AGPAT2: variants seen among roughly 807,000 people sequenced by gnomAD.
AGPAT2 encodes 1-acylglycerol-3-phosphate O-acyltransferase 2.
A neutral mutation model predicts 26.1 loss-of-function variants in AGPAT2; 18 were observed. The observed-to-expected ratio is 0.69, with a 90% confidence interval of 0.48 to 1.02. The LOEUF is 1.02. Ranked by LOEUF, AGPAT2 falls within the 50% of genes least tolerant of loss-of-function variation. The pLI, the probability that AGPAT2 is intolerant of heterozygous loss-of-function variation, is 0.00. For missense variants in AGPAT2, 415 were observed against 394.9 expected (o/e 1.05, Z -0.43); for synonymous variants, 200 against 174.2 (o/e 1.15, Z -1.16).
intron 4 of AGPAT2, among the ~76,000 whole-genome samples, chr9:136,676,134 T>A (rs975982400): frequency 6.6e-6 from 1 of 152,144 alleles, no homozygotes; most frequent in African/African-American, 2.4e-5. Context: ...AGGCGCTGCT[T>A]ACAATGAGCT....
In AGPAT2 at chr9:136,674,780, A is replaced by G; in HGVS notation, c.616T>C (p.Ser206Pro). The G allele has an allele frequency of 6.5e-7, 1 of 1,540,206 alleles. No homozygotes were observed. Among genetic ancestry groups the G allele is most frequent in the Non-Finnish European group, 8.8e-7 (1 of 1,142,566 alleles). The change falls in exon 5 of 6, where the codon TCC becomes CCC. Residue 206 changes from serine to proline, a missense_variant. Physicochemically the swap from Ser to Pro is moderately conservative, Grantham distance 74. Transcript: ENST00000371696. ...QVPIVPVVYS[S>P]FSSFYNTKKK... is the part of the protein sequence containing the mutation. The stretch of plus-strand genomic sequence containing the variant: ...TTGGTGTTGTAGAAGGAGGAGAAGG[A>G]AGAGTACACCACGGGGACGATGGGC...
At chr9:136,677,607 G>A (rs1312542024) in intron 1 of AGPAT2, 51 bp from the exon 2 acceptor site, 1 of 1,610,876 alleles carries the variant, frequency 6.2e-7, no homozygotes. Context: ...CGCAGCCGAG[G>A]CTGGGGCGCG....
chr9:136,687,043 A>T, intron 1 of AGPAT2, 133 bp downstream of exon 1: 2 of 1,041,574 alleles, frequency 1.9e-6, no homozygotes, highest in Non-Finnish European at 2.6e-6. Flanking sequence ...CCGCCGGCCC[A>T]GGCGCGCTCT....
In AGPAT2 at chr9:136,673,765, T is replaced by G. The variant is rs1452388592; in HGVS notation, c.824A>C (p.Gln275Pro). The part of the protein sequence containing the change: ...ENGATAGSGV[Q>P]PAQ ...CCGTGGTCTGGGCTACTGGGCCGGC[T>G]GCACGCCAGACCCCGCAGTGGCCCC... Residue 275 changes from glutamine (Q) to proline (P), a missense_variant, in exon 6 of 6, where the codon CAG becomes CCG. Physicochemically the swap from Gln to Pro is moderately conservative, Grantham distance 76 (BLOSUM62 -1). Transcript: ENST00000371696. 1 of 1,596,628 alleles carries G rather than the reference T, an allele frequency of 6.3e-7. No individual in the cohort carries two copies. Among genetic ancestry groups the G allele is most frequent in the Non-Finnish European group, 8.5e-7 (1 of 1,173,152 alleles).
chr9:136,686,581 G>A (rs549498089), intron 1 of AGPAT2, among the ~76,000 whole-genome samples: 9 of 152,326 alleles, frequency 5.9e-5, no homozygotes, highest in African/African-American at 1.7e-4. Flanking sequence ...GGAGCTGTAG[G>A]CCAGGGGCGC....
At chr9:136,679,655 A>T (rs1400250340) in intron 1 of AGPAT2, among the ~76,000 whole-genome samples, 1 of 152,202 alleles carries the variant, frequency 6.6e-6, no homozygotes, top group Non-Finnish European at 1.5e-5. Flanking sequence ...GGAAACACAG[A>T]ACTGTCTGGT....
Position 136,687,303 on chromosome 9 carries a change from G to GTAC in AGPAT2, c.54_55insGTA (p.Val18dup), listed in dbSNP as rs751230269. On this transcript the variant is annotated inframe_insertion, in exon 1 of 6. Coordinates refer to ENST00000371696, the MANE Select transcript of AGPAT2 (RefSeq NM_006412.4). The stretch of plus-strand genomic sequence containing the variant: ...TAGAACTCGGCCGCGCGGCTCAGCT[G>GTAC]CACCAGCAGCAGCAGCAACAGCAGC... 6.4e-7 allele frequency: 1 copy of GTAC among 1,573,744 alleles called. No homozygotes were observed. Among genetic ancestry groups the GTAC allele is most frequent in the Non-Finnish European group, 8.6e-7 (1 of 1,163,884 alleles).
In AGPAT2 at chr9:136,687,375, G is replaced by A. The variant is rs369999417; in HGVS notation, c.-18C>T. ...AGCTCCATGGCCCGGCCCGGCGCCC[G>A]ACGGCGCCGCCAGCTCGCTCCCGCT... On this transcript the variant is annotated 5_prime_UTR_variant, in exon 1 of 6. Transcript: ENST00000371696. 296 of 1,444,048 alleles carry A rather than the reference G, an allele frequency of 2.0e-4. 1 individual carries two copies. The highest frequency in any genetic ancestry group is 6.7e-4 in the Admixed American group (23 of 34,154). The allele number at this position is 1,444,048 out of a possible 1,614,324, so 89.5% of individuals were successfully genotyped here.
At chr9:136,681,050 G>A (rs917563438) in intron 1 of AGPAT2, among the ~76,000 whole-genome samples, 3 of 151,676 alleles carry the variant, frequency 2.0e-5, no homozygotes, top group South Asian at 2.1e-4. Context: ...CGTGGCACTC[G>A]GCGCATTCAC....
Position 136,685,568 on chromosome 9 carries a change from AG to A in AGPAT2, c.182+1607del, listed in dbSNP as rs1485092178. Among the ~76,000 whole-genome samples, 8 of 152,308 alleles carry A rather than the reference AG, an allele frequency of 5.3e-5. No homozygotes were observed. In the East Asian group the frequency reaches 1.5e-3, roughly 29 times the overall value. On this transcript the variant is annotated intron_variant, in intron 1 of 5. Coordinates refer to ENST00000371696, the MANE Select transcript of AGPAT2 (RefSeq NM_006412.4). ...GGTCTGCTCCAGGGTCTCCTAAGTC[AG>A]GTGCCCCATCATTTCTGCCAAAAGA...
rs557103117 is a variant in AGPAT2 at position 136,673,915 on chromosome 9, A to G, written c.674T>C (p.Val225Ala). 5.7e-6 allele frequency: 9 copies of G among 1,579,304 alleles called. No individual in the cohort carries two copies. The highest frequency in any genetic ancestry group is 1.3e-5 in the African/African-American group (1 of 74,316). Reference protein sequence around the residue: ...KKFFTSGTVTVQVLEAIPTSG... With the variant: ...KKFFTSGTVTAQVLEAIPTSG... ...GGTGGGGATGGCTTCCAGCACCTGCACTGTGACTGTTCCTGTGGGGGAAGC... is the reference window on the plus strand; with the variant it reads ...GGTGGGGATGGCTTCCAGCACCTGCGCTGTGACTGTTCCTGTGGGGGAAGC... Residue 225 changes from valine (V) to alanine (A), a missense_variant, in exon 6 of 6, where the codon GTG (valine) becomes GCG (alanine). Transcript: ENST00000371696.
At chr9:136,681,769 T>C (rs1419364862) in intron 1 of AGPAT2, among the ~76,000 whole-genome samples, 1 of 152,094 alleles carries the variant, frequency 6.6e-6, no homozygotes, top group East Asian at 1.9e-4. Flanking sequence ...GCCATTGTAC[T>C]CCAGCCTGGG....
Position 136,673,692 on chromosome 9 carries a change from C to T in AGPAT2, c.*60G>A. 1 of 1,478,156 alleles carries T rather than the reference C, an allele frequency of 6.8e-7. No individual in the cohort carries two copies. The highest frequency in any genetic ancestry group is 9.1e-7 in the Non-Finnish European group (1 of 1,101,344). The allele number at this position is 1,478,156 out of a possible 1,614,324, so 91.6% of individuals were successfully genotyped here. ...GAAGCCGGGAGGAGTCCCCTCTGCC[C>T]ATCCTCCAGCCATCGGCTTCCACCT... On this transcript the variant is annotated 3_prime_UTR_variant, in exon 6 of 6. Transcript: ENST00000371696.
chr9:136,680,478 C>T (rs1478545526), intron 1 of AGPAT2, among the ~76,000 whole-genome samples: 5 of 151,770 alleles, frequency 3.3e-5, no homozygotes, highest in African/African-American at 7.3e-5. Context: ...CCTCCCACCT[C>T]GGCCTCCCAA....
At chr9:136,678,478 T>G (rs1334270362) in intron 1 of AGPAT2, among the ~76,000 whole-genome samples, 1 of 152,162 alleles carries the variant, frequency 6.6e-6, no homozygotes, top group Non-Finnish European at 1.5e-5. Flanking sequence ...CCGGCGGGGA[T>G]GGAGCCAGGA....
intron 1 of AGPAT2, among the ~76,000 whole-genome samples, chr9:136,686,045 C>T (rs1846217134): frequency 6.6e-6 from 1 of 152,234 alleles, no homozygotes; most frequent in Non-Finnish European, 1.5e-5. Context: ...GGCTGAGCAG[C>T]CAGCAGGCCC....
Position 136,687,312 on chromosome 9 carries a change from G to GCAGCAGCAGCAA in AGPAT2, c.45_46insTTGCTGCTGCTG (p.Leu14_Leu17dup). 1 of 1,576,364 alleles carries GCAGCAGCAGCAA rather than the reference G, an allele frequency of 6.3e-7. No homozygotes were observed. The highest frequency in any genetic ancestry group is 8.6e-7 in the Non-Finnish European group (1 of 1,166,948). On this transcript the variant is annotated inframe_insertion, in exon 1 of 6. Coordinates refer to ENST00000371696, the MANE Select transcript of AGPAT2 (RefSeq NM_006412.4). The stretch of plus-strand genomic sequence containing the variant: ...GCCGCGCGGCTCAGCTGCACCAGCA[G>GCAGCAGCAGCAA]CAGCAGCAACAGCAGCGCCGCGGCC...
rs769602973 is a variant in AGPAT2 at position 136,673,707 on chromosome 9, G to C, written c.*45C>G. 1.3e-6 allele frequency: 2 copies of C among 1,504,828 alleles called. No individual in the cohort carries two copies. Among genetic ancestry groups the C allele is most frequent in the Non-Finnish European group, 1.8e-6 (2 of 1,118,266 alleles). The allele number at this position is 1,504,828 out of a possible 1,614,324, so 93.2% of individuals were successfully genotyped here. ...CCCCTCTGCCCATCCTCCAGCCATC[G>C]GCTTCCACCTGCCCTCCCCAGGTCA... On this transcript the variant is annotated 3_prime_UTR_variant, in exon 6 of 6. Coordinates refer to ENST00000371696, the MANE Select transcript of AGPAT2 (RefSeq NM_006412.4).
intron 1 of AGPAT2, among the ~76,000 whole-genome samples, chr9:136,680,341 C>T (rs556304361): frequency 3.3e-5 from 5 of 152,280 alleles, no homozygotes; most frequent in African/African-American, 7.2e-5. Context: ...ATTCTCCTGC[C>T]TCAGCCTCCT....
Sources: allele counts gnomAD v4.1 joint callset (sites outside exome capture counted in the v4.1 genomes callset), GRCh38; gene constraint gnomAD v4.1.1; transcripts MANE v1.5; gene names NCBI Gene and HGNC (gene_info 2026-07-23, HGNC 2026-07-21).